TLN2: variants seen among roughly 807,000 people sequenced by gnomAD.
TLN2 encodes the protein talin 2, also known as talin-2.
A neutral mutation model predicts 294.7 loss-of-function variants in TLN2; 118 were observed. The ratio of observed to expected loss-of-function variants is 0.40; its 90% confidence interval spans 0.34 to 0.47. The LOEUF (loss-of-function observed/expected upper bound fraction) is 0.47, where lower values mean the gene tolerates loss of function less well. Among genes scored for constraint, TLN2 ranks in the 20% least tolerant of loss-of-function variants. The probability of loss-of-function intolerance (pLI) is 0.84; values close to 1 mark genes in which losing one functional copy is unlikely to be tolerated. For missense variants in TLN2, 3,083 were observed against 3,282.2 expected, an observed-to-expected ratio of 0.94 and a Z score of 1.48; for synonymous variants, 1,431 against 1,304.5, an observed-to-expected ratio of 1.10 and a Z score of -2.09.
At chr15:62,426,830 C>G (rs771824243) in intron 1 of TLN2, among the ~76,000 whole-genome samples, 23 of 152,148 alleles carry the variant, frequency 1.5e-4, no homozygotes, top group Admixed American at 3.3e-4. Flanking sequence ...TCCAAAGTCT[C>G]CTGGGCCAAG....
chr15:62,708,440 G>A (rs1262265114), intron 20 of TLN2, 62 bp from the exon 21 acceptor site: 13 of 1,554,688 alleles, frequency 8.4e-6, no homozygotes, highest in Non-Finnish European at 1.1e-5. Context: ...GACTGCGGGG[G>A]CACATGGAGA....
intron 1 of TLN2, among the ~76,000 whole-genome samples, chr15:62,557,006 G>C (rs971601349): frequency 1.3e-5 from 2 of 152,130 alleles, no homozygotes; most frequent in African/African-American, 2.4e-5. Flanking sequence ...TTTTATGATT[G>C]ATCAAAAACA....
chr15:62,722,323 C>T (rs1167679013), intron 25 of TLN2, 30 bp from the exon 26 acceptor site: 1 of 1,586,918 alleles, frequency 6.3e-7, no homozygotes. Context: ...TGCCCAGGAG[C>T]CATCTTACTT....
At chr15:62,417,286 C>CT (rs2034137277) in intron 1 of TLN2, among the ~76,000 whole-genome samples, 1 of 152,158 alleles carries the variant, frequency 6.6e-6, no homozygotes, top group Non-Finnish European at 1.5e-5. Flanking sequence ...GCATCTTTGT[C>CT]CCTTCTTTGC....
At chr15:62,438,857 G>T (rs995629766) in intron 1 of TLN2, among the ~76,000 whole-genome samples, 3 of 152,152 alleles carry the variant, frequency 2.0e-5, no homozygotes, top group African/African-American at 7.2e-5. Context: ...TCAACAGTTG[G>T]ATCCTTCTAG....
In TLN2 at chr15:62,656,103, T is replaced by C. The variant is rs1555459023; in HGVS notation, c.660+17T>C. 22 of 1,611,284 alleles carry C rather than the reference T, an allele frequency of 1.4e-5. No homozygotes were observed. In the South Asian group the frequency reaches 2.1e-4, roughly 15 times the overall value. On this transcript the variant is annotated intron_variant, in intron 8 of 58. Coordinates refer to ENST00000636159, the MANE Select transcript of TLN2 (RefSeq NM_015059.3). The stretch of plus-strand genomic sequence containing the variant: ...TATGTTCAGGTACAGTATTTACTGC[T>C]CAGACACTGAGGTTGGTGAGATTGC...
rs1393517271 is a variant in TLN2 at position 62,809,958 on chromosome 15, G to A, written c.6697G>A (p.Val2233Met). 1.2e-6 allele frequency: 2 copies of A among 1,614,164 alleles called. No homozygotes were observed. The highest frequency in any genetic ancestry group is 2.2e-5 in the South Asian group (2 of 91,076). ...ASFHPDVSDE[V>M]RTRALRFGTE... ...CTTCCACCCCGATGTCAGTGACGAG[G>A]TGAGAACCAGAGCCTTGCGTTTCGG... is the stretch of plus-strand genomic sequence containing the variant. Residue 2233 changes from valine (V) to methionine (M), a missense_variant, in exon 52 of 59, where the codon GTG becomes ATG. By Grantham distance (21) the Val-to-Met change is conservative. Transcript: ENST00000636159.
intron 2 of TLN2, among the ~76,000 whole-genome samples, chr15:62,607,055 A>G (rs930199820): frequency 6.6e-6 from 1 of 151,778 alleles, no homozygotes; most frequent in Admixed American, 6.6e-5. Context: ...AGTTTTCCAT[A>G]TGGTTGGGCC....
At chr15:62,473,335 C>T (rs895827296) in intron 1 of TLN2, among the ~76,000 whole-genome samples, 2 of 151,554 alleles carry the variant, frequency 1.3e-5, no homozygotes, top group Non-Finnish European at 2.9e-5. Context: ...CTGTCACTAA[C>T]ACAAAACTGT....
chr15:62,568,185 G>C (rs1023559857), intron 1 of TLN2, among the ~76,000 whole-genome samples: 1 of 152,126 alleles, frequency 6.6e-6, no homozygotes, highest in Admixed American at 6.5e-5. Flanking sequence ...TCCCAGTGTG[G>C]CTGGGGCTGG....
chr15:62,752,364 C>A lies in TLN2; in HGVS notation c.4269C>A (p.Ala1423=), dbSNP rs757465717. Residue 1423 remains alanine (A), a synonymous_variant, in exon 35 of 59, where the codon GCC becomes GCA. Coordinates refer to ENST00000636159, the MANE Select transcript of TLN2 (RefSeq NM_015059.3). ...SQNAKTGDLP[A]FGECVGIASK... Reference sequence around the variant, plus strand: ...ATGCCAAGACCGGAGACCTCCCTGCCTTTGGGGAATGTGTGGGGATTGCAT... The same window carrying A: ...ATGCCAAGACCGGAGACCTCCCTGCATTTGGGGAATGTGTGGGGATTGCAT... 1.2e-6 allele frequency: 2 copies of A among 1,614,100 alleles called. No homozygotes were observed. Among genetic ancestry groups the A allele is most frequent in the Non-Finnish European group, 1.7e-6 (2 of 1,180,016 alleles).
At chr15:62,644,505 A>G in intron 3 of TLN2, 2 of 455,816 alleles carry the variant, frequency 4.4e-6, no homozygotes, top group Admixed American at 2.4e-5. Context: ...AATACCTCTC[A>G]AGGAAACTCA....
At chr15:62,609,037 G>A (rs1015019581) in intron 2 of TLN2, among the ~76,000 whole-genome samples, 5 of 152,012 alleles carry the variant, frequency 3.3e-5, no homozygotes, top group African/African-American at 1.2e-4. Context: ...GAGAGTTTGT[G>A]GGCTTGTGAT....
intron 11 of TLN2, among the ~76,000 whole-genome samples, chr15:62,681,153 A>T (rs75542311): frequency 2.0e-5 from 3 of 152,172 alleles, no homozygotes; most frequent in Non-Finnish European, 4.4e-5. Flanking sequence ...AGGAATCTCT[A>T]TACTGTTTTC....
At chr15:62,624,065 T>G (rs2049056582) in intron 3 of TLN2, among the ~76,000 whole-genome samples, 1 of 152,206 alleles carries the variant, frequency 6.6e-6, no homozygotes, top group Non-Finnish European at 1.5e-5. Context: ...GGCCTGAGGA[T>G]GGACCTGCTC....
At chr15:62,526,890 C>T (rs1018667266) in intron 1 of TLN2, among the ~76,000 whole-genome samples, 11 of 152,160 alleles carry the variant, frequency 7.2e-5, no homozygotes, top group Admixed American at 7.2e-4. Flanking sequence ...GAAGTACTAG[C>T]ATTCACAAAA....
chr15:62,568,349 C>T (rs1041704984), intron 1 of TLN2, among the ~76,000 whole-genome samples: 4 of 152,190 alleles, frequency 2.6e-5, no homozygotes, highest in African/African-American at 7.2e-5. Flanking sequence ...GGCAAACCAT[C>T]GCATTCTGTC....
chr15:62,597,423 G>A (rs2046625775), intron 2 of TLN2, among the ~76,000 whole-genome samples: 1 of 152,182 alleles, frequency 6.6e-6, no homozygotes. Flanking sequence ...CCTCAGTGGA[G>A]TATGTTTAAA....
chr15:62,433,606 A>C (rs1036813950), intron 1 of TLN2, among the ~76,000 whole-genome samples: 1 of 152,014 alleles, frequency 6.6e-6, no homozygotes, highest in Non-Finnish European at 1.5e-5. Flanking sequence ...TCTGCTTTTG[A>C]GTCAAGGTTG....
Sources: allele counts gnomAD v4.1 joint callset (sites outside exome capture counted in the v4.1 genomes callset), GRCh38; gene constraint gnomAD v4.1.1; transcripts MANE v1.5; gene names NCBI Gene and HGNC (gene_info 2026-07-23, HGNC 2026-07-21).